The following GNAO1 variants were observed in gnomAD, a reference collection of about 807,000 sequenced individuals.
The protein encoded by GNAO1 is guanine nucleotide-binding protein G(o) subunit alpha.
For missense variants in GNAO1, 166 were observed against 478.7 expected (o/e 0.35, Z 6.10); for synonymous variants, 164 against 180.7 (o/e 0.91, Z 0.74).
At chr16:56,304,138 G>GTAAACACA (rs1214103303) in intron 3 of GNAO1, among the ~76,000 whole-genome samples, 7 of 152,220 alleles carry the variant, frequency 4.6e-5, no homozygotes, top group Admixed American at 2.0e-4. Flanking sequence ...GGAGAGACTT[G>GTAAACACA]TAAACACAGA....
chr16:56,280,805 G>A (rs1330331314), intron 3 of GNAO1, among the ~76,000 whole-genome samples: 3 of 152,180 alleles, frequency 2.0e-5, no homozygotes, highest in African/African-American at 7.2e-5. Flanking sequence ...GGGTGGGGCC[G>A]GACCACAGAG....
intron 3 of GNAO1, among the ~76,000 whole-genome samples, chr16:56,327,635 A>G (rs569280357): frequency 1.4e-4 from 21 of 152,158 alleles, no homozygotes; most frequent in Non-Finnish European, 2.2e-4. Flanking sequence ...GTGATGTTAC[A>G]TGCATGTGAT....
intron 2 of GNAO1, among the ~76,000 whole-genome samples, chr16:56,268,117 G>A (rs2036976915): frequency 6.6e-6 from 1 of 152,196 alleles, no homozygotes; most frequent in African/African-American, 2.4e-5. Context: ...AAATGTGCCT[G>A]TAGGCACATC....
intron 3 of GNAO1, among the ~76,000 whole-genome samples, chr16:56,318,217 G>A (rs554179357): frequency 2.6e-5 from 4 of 152,298 alleles, no homozygotes; most frequent in South Asian, 2.1e-4. Flanking sequence ...CTCCTGTGCC[G>A]GAGAGAACGG....
intron 6 of GNAO1, chr16:56,347,293 C>G (rs2037879142): frequency 1.0e-6 from 1 of 985,318 alleles, no homozygotes; most frequent in Non-Finnish European, 1.2e-6. Flanking sequence ...CCGCGGCCAC[C>G]AGAGATTCAG....
intron 2 of GNAO1, among the ~76,000 whole-genome samples, chr16:56,275,281 G>C (rs2037051858): frequency 6.6e-6 from 1 of 152,234 alleles, no homozygotes; most frequent in African/African-American, 2.4e-5. Flanking sequence ...TGAGTGGCTA[G>C]CAGGCAGTGC....
chr16:56,193,508 C>T (rs1440767690), intron 2 of GNAO1: 1 of 164,240 alleles, frequency 6.1e-6, no homozygotes, highest in African/African-American at 2.4e-5. Context: ...ATTTCAGGCC[C>T]CACTTGCCGC....
At chr16:56,209,321 ACT>A (rs2036362864) in intron 2 of GNAO1, among the ~76,000 whole-genome samples, 1 of 151,708 alleles carries the variant, frequency 6.6e-6, no homozygotes, top group South Asian at 2.1e-4. Context: ...ATCCCATTGG[ACT>A]CTATTCTTAT....
intron 6 of GNAO1, 141 bp downstream of exon 6, chr16:56,337,001 T>C (rs1048268406): frequency 3.7e-6 from 3 of 810,952 alleles, no homozygotes; most frequent in South Asian, 1.8e-5. Flanking sequence ...GTTTCCATCA[T>C]GGACAGGCCG....
At chr16:56,215,049 G>C (rs1325734234) in intron 2 of GNAO1, among the ~76,000 whole-genome samples, 1 of 152,198 alleles carries the variant, frequency 6.6e-6, no homozygotes, top group Non-Finnish European at 1.5e-5. Flanking sequence ...CCCTACTACA[G>C]AACGCCTTCT....
intron 3 of GNAO1, among the ~76,000 whole-genome samples, chr16:56,281,809 A>G (rs2037117076): frequency 6.6e-6 from 1 of 152,242 alleles, no homozygotes; most frequent in South Asian, 2.1e-4. Context: ...CTGAACAATT[A>G]CAGGATTAGA....
chr16:56,250,353 A>G (rs2036788399), intron 2 of GNAO1, among the ~76,000 whole-genome samples: 1 of 152,210 alleles, frequency 6.6e-6, no homozygotes, highest in Non-Finnish European at 1.5e-5. Context: ...TTCTTGAAGA[A>G]CTGTAAGCCT....
chr16:56,196,991 T>A (rs1208199084), intron 2 of GNAO1, among the ~76,000 whole-genome samples: 2 of 152,164 alleles, frequency 1.3e-5, no homozygotes, highest in African/African-American at 4.8e-5. Context: ...GACCCTGACT[T>A]TGTAATTAGG....
At chr16:56,250,720 C>T (rs1218156133) in intron 2 of GNAO1, among the ~76,000 whole-genome samples, 1 of 152,206 alleles carries the variant, frequency 6.6e-6, no homozygotes, top group African/African-American at 2.4e-5. Context: ...CCTCTCTAGG[C>T]TCTGCTTTCC....
intron 6 of GNAO1, chr16:56,345,947 C>A: frequency 2.0e-6 from 2 of 985,548 alleles, no homozygotes; most frequent in Non-Finnish European, 2.4e-6. Flanking sequence ...TGTCCCCCAG[C>A]AGCCGCCCTC....
At chr16:56,300,256 G>T in intron 3 of GNAO1, among the ~76,000 whole-genome samples, 1 of 152,114 alleles carries the variant, frequency 6.6e-6, no homozygotes, top group East Asian at 1.9e-4. Flanking sequence ...CTCTGAGCAG[G>T]ATAATTCTCA....
intron 2 of GNAO1, among the ~76,000 whole-genome samples, chr16:56,238,855 A>G (rs1036164767): frequency 6.6e-6 from 1 of 152,276 alleles, no homozygotes; most frequent in Non-Finnish European, 1.5e-5. Flanking sequence ...GCGTTTGGGT[A>G]TATATGTTTC....
intron 3 of GNAO1, among the ~76,000 whole-genome samples, chr16:56,292,781 A>T (rs1391544562): frequency 1.3e-5 from 2 of 152,244 alleles, no homozygotes; most frequent in African/African-American, 4.8e-5. Flanking sequence ...AAAAGTATTT[A>T]AAAATACTGG....
chr16:56,219,277 C>T (rs1182191375), intron 2 of GNAO1, among the ~76,000 whole-genome samples: 1 of 152,224 alleles, frequency 6.6e-6, no homozygotes, highest in African/African-American at 2.4e-5. Flanking sequence ...ATTGCCCTGC[C>T]TTCTTGGAGC....
Sources: allele counts gnomAD v4.1 joint callset (sites outside exome capture counted in the v4.1 genomes callset), GRCh38; gene constraint gnomAD v4.1.1; transcripts MANE v1.5; gene names NCBI Gene and HGNC (gene_info 2026-07-23, HGNC 2026-07-21).